Variants in FANCD2OS observed in about 807,000 individuals in gnomAD.
FANCD2OS encodes FANCD2 opposite strand protein.
Under a neutral mutation model 13.2 loss-of-function variants are expected in FANCD2OS, and 11 were observed. That is an observed-to-expected ratio of 0.83 (90% CI 0.52 to 1.38). FANCD2OS has a LOEUF of 1.38. FANCD2OS is among the 40% of genes most tolerant of loss of function. FANCD2OS has a pLI of 0.00. For missense variants in FANCD2OS, 217 were observed against 213.9 expected (o/e 1.01, Z -0.09); for synonymous variants, 69 against 84.5 (o/e 0.82, Z 1.01).
chr3:10,088,463 C>CA (rs753106716), intron 2 of FANCD2OS: 1 of 1,608,834 alleles, frequency 6.2e-7, no homozygotes, highest in South Asian at 1.1e-5. Flanking sequence ...CCTTGCCAGA[C>CA]AATTCCTCTG....
At chr3:10,097,887 C>T (rs915313004) in intron 2 of FANCD2OS, among the ~76,000 whole-genome samples, 3 of 152,182 alleles carry the variant, frequency 2.0e-5, no homozygotes, top group African/African-American at 7.2e-5. Flanking sequence ...ATAAAATCTT[C>T]ACAATCCACG....
chr3:10,101,122 C>A, downstream of FANCD2OS: 2 of 1,181,402 alleles, frequency 1.7e-6, no homozygotes, highest in Non-Finnish European at 2.5e-6. Context: ...CCTCTAGGAG[C>A]TGTATTCCAG....
chr3:10,096,823 C>A (rs1575871210), intron 2 of FANCD2OS, among the ~76,000 whole-genome samples: 1 of 152,274 alleles, frequency 6.6e-6, no homozygotes, highest in African/African-American at 2.4e-5. Flanking sequence ...ACAAACATTT[C>A]TTTTGTTATT....
At position 10,088,885 on chromosome 3, in the gene FANCD2OS, T is replaced by C. The variant is rs958469100; in HGVS notation, c.*44-7354A>G. On this transcript the variant is annotated intron_variant, in intron 2 of 2. Coordinates refer to the FANCD2OS transcript ENST00000524279. ...AGGCCATAGAGGAGATTGCTGGTGTTGGTGTCCCAGAACTGATCAACTCTC... is the reference window on the plus strand; with the variant it reads ...AGGCCATAGAGGAGATTGCTGGTGTCGGTGTCCCAGAACTGATCAACTCTC... The C allele has an allele frequency of 1.1e-5, 18 of 1,614,006 alleles. No homozygotes were observed. Among genetic ancestry groups the C allele is most frequent in the Non-Finnish European group, 1.5e-5 (18 of 1,179,962 alleles).
At chr3:10,094,772 T>G (rs1347790863) in intron 2 of FANCD2OS, 1 of 313,618 alleles carries the variant, frequency 3.2e-6, no homozygotes, top group Non-Finnish European at 6.1e-6. Context: ...CTTGACAGTT[T>G]TTTAGCCAAT....
At chr3:10,085,920 C>T (rs956067003) in intron 2 of FANCD2OS, 4 of 1,598,994 alleles carry the variant, frequency 2.5e-6, no homozygotes, top group Non-Finnish European at 3.4e-6. Context: ...AGGAACTACT[C>T]AGGTGAGTCA....
At chr3:10,107,429 G>T (rs1421827320) in intron 1 of FANCD2OS, among the ~76,000 whole-genome samples, 2 of 151,876 alleles carry the variant, frequency 1.3e-5, no homozygotes, top group African/African-American at 4.8e-5. Flanking sequence ...GGGACTACAG[G>T]CGCCTGCCAC....
intron 2 of FANCD2OS, among the ~76,000 whole-genome samples, chr3:10,083,204 G>A (rs1374180680): frequency 6.6e-6 from 1 of 151,470 alleles, no homozygotes; most frequent in Admixed American, 6.6e-5. Context: ...TCCAACCTGG[G>A]CAACAGAACC....
At chr3:10,101,970 T>A (rs1695320061), downstream of FANCD2OS, 1 of 177,144 alleles carries the variant, frequency 5.6e-6, no homozygotes, top group African/African-American at 2.4e-5. Context: ...ATTTGCTTCA[T>A]TATTCAAGGA....
chr3:10,085,793 C>G, intron 2 of FANCD2OS: 1 of 1,546,476 alleles, frequency 6.5e-7, no homozygotes, highest in Middle Eastern at 1.7e-4. Context: ...GCTAACCCCT[C>G]TTACCTTGAC....
chr3:10,095,064 C>G, intron 2 of FANCD2OS: 2 of 733,420 alleles, frequency 2.7e-6, no homozygotes, highest in Non-Finnish European at 4.8e-6. Flanking sequence ...ATTTGAGAGG[C>G]AAATTAAGAT....
Sources: gnomAD v4.1 joint callset for allele counts (sites outside exome capture counted in the v4.1 genomes callset) on GRCh38, gnomAD v4.1.1 for gene constraint, MANE v1.5 for transcripts, NCBI Gene and HGNC (gene_info 2026-07-23, HGNC 2026-07-21) for gene names.